DNAI7: variants seen among roughly 807,000 people sequenced by gnomAD.
DNAI7 encodes cancer susceptibility 1.
A neutral mutation model predicts 86.6 loss-of-function variants in DNAI7; 78 were observed. The observed-to-expected ratio is 0.90, with a 90% CI of 0.75 to 1.09. The LOEUF (loss-of-function observed/expected upper bound fraction) is 1.09, where lower values mean the gene tolerates loss of function less well. Among genes scored for constraint, DNAI7 ranks in the 50% least tolerant of loss-of-function variants. The pLI, the probability that DNAI7 is intolerant of heterozygous loss-of-function variation, is 0.00. For missense variants in DNAI7, 753 were observed against 810.2 expected, an observed-to-expected ratio of 0.93 and a Z score of 0.86; for synonymous variants, 274 against 273.0, an observed-to-expected ratio of 1.00 and a Z score of -0.04.
intron 6 of DNAI7, among the ~76,000 whole-genome samples, chr12:25,150,726 T>C (rs1312468666): frequency 6.6e-6 from 1 of 152,018 alleles, no homozygotes; most frequent in African/African-American, 2.4e-5. Flanking sequence ...CTGAATCTAA[T>C]TAAACCCTCG....
At position 25,108,589 on chromosome 12, in the gene DNAI7, A is replaced by C. The variant is rs1329362978; in HGVS notation, c.2128T>G (p.Cys710Gly). The C allele has an allele frequency of 2.5e-6, 4 of 1,613,800 alleles. No individual in the cohort carries two copies. Among genetic ancestry groups the C allele is most frequent in the Non-Finnish European group, 3.4e-6 (4 of 1,179,910 alleles). The change falls in exon 16 of 16, where the codon TGC becomes GGC. Residue 710 changes from cysteine (C) to glycine (G), a missense_variant. Physicochemically the swap from Cys to Gly is radical, Grantham distance 159 (BLOSUM62 -3). Coordinates refer to ENST00000395987, the MANE Select transcript of DNAI7 (RefSeq NM_018272.5). The part of the protein sequence containing the change: ...SSNCQFVNSV[C>G]HMLLSTRLLS... ...AATCTGGTAGAGAGCAGCATGTGGC[A>C]CACAGAGTTGACAAACTGACAGTTG...
At chr12:25,181,608 C>T (rs1949509332) in intron 2 of DNAI7, among the ~76,000 whole-genome samples, 1 of 151,908 alleles carries the variant, frequency 6.6e-6, no homozygotes. Context: ...AGACAACCTA[C>T]AAAACAGGAG....
intron 1 of DNAI7, among the ~76,000 whole-genome samples, chr12:25,192,184 T>A (rs372184308): frequency 1.3e-5 from 2 of 152,256 alleles, no homozygotes; most frequent in Non-Finnish European, 2.9e-5. Flanking sequence ...TCATAGCTTC[T>A]ATCAATTAAT....
chr12:25,160,516 C>G (rs755853601), intron 3 of DNAI7, among the ~76,000 whole-genome samples: 8 of 152,184 alleles, frequency 5.3e-5, no homozygotes, highest in Non-Finnish European at 1.0e-4. Context: ...CTGAATCCGG[C>G]CAAAGCGCTC....
At chr12:25,115,605 ATAAAT>A (rs755065625) in intron 12 of DNAI7, among the ~76,000 whole-genome samples, 17 of 152,244 alleles carry the variant, frequency 1.1e-4, no homozygotes, top group South Asian at 4.1e-4. Flanking sequence ...AATTAGGGAA[ATAAAT>A]TAAAACTACA....
intron 11 of DNAI7, among the ~76,000 whole-genome samples, chr12:25,119,608 T>C (rs1940870154): frequency 6.6e-6 from 1 of 152,106 alleles, no homozygotes; most frequent in South Asian, 2.1e-4. Context: ...CTTAGAAAAA[T>C]CAAGTAATTT....
In DNAI7 at chr12:25,161,154, T is replaced by C. The variant is rs1410583071; in HGVS notation, c.65A>G (p.Lys22Arg). ...TCTCTCCTCCTCCTCTTGTAGCAGC[T>C]TCAATCGTTCAGCTTTGGTGACTTT... ...KKKVTKAERL[K>R]LLQEEEERRL... Residue 22 changes from lysine to arginine, a missense_variant, in exon 3 of 16, where the codon AAG becomes AGG. Physicochemically the swap from Lys to Arg is conservative, Grantham distance 26 (BLOSUM62 2). Transcript: ENST00000395987. 2 of 1,614,026 alleles carry C rather than the reference T, an allele frequency of 1.2e-6. No homozygotes were observed. Among genetic ancestry groups the C allele is most frequent in the South Asian group, 2.2e-5 (2 of 91,078 alleles).
At chr12:25,160,964 G>A in intron 3 of DNAI7, 149 bp downstream of exon 3, 1 of 560,486 alleles carries the variant, frequency 1.8e-6, no homozygotes, top group South Asian at 2.3e-5. Context: ...ACATCTTTCT[G>A]GATACTTTCT....
chr12:25,175,155 C>T (rs55750852), intron 2 of DNAI7, among the ~76,000 whole-genome samples: 23 of 151,952 alleles, frequency 1.5e-4, no homozygotes, highest in Non-Finnish European at 2.9e-4. Flanking sequence ...ACTCTAAGCA[C>T]TGTCCAGAAT....
At chr12:25,131,596 G>C (rs1942932256) in intron 9 of DNAI7, among the ~76,000 whole-genome samples, 1 of 152,174 alleles carries the variant, frequency 6.6e-6, no homozygotes, top group Admixed American at 6.5e-5. Flanking sequence ...AGAATCCCCA[G>C]TAACCAGCTT....
intron 4 of DNAI7, among the ~76,000 whole-genome samples, chr12:25,157,993 G>T (rs1946393992): frequency 6.6e-6 from 1 of 152,190 alleles, no homozygotes; most frequent in African/African-American, 2.4e-5. Flanking sequence ...CCTTTGGGAG[G>T]CTGAGGGGGG....
intron 9 of DNAI7, among the ~76,000 whole-genome samples, chr12:25,141,285 G>A (rs985070613): frequency 2.0e-5 from 3 of 152,186 alleles, no homozygotes; most frequent in African/African-American, 4.8e-5. Flanking sequence ...CACAGAGTGG[G>A]AGAAAATCTT....
At position 25,154,368 on chromosome 12, in the gene DNAI7, G is replaced by GT. The variant is rs776563278; in HGVS notation, c.388dup (p.Thr130AsnfsTer3). The GT allele has an allele frequency of 1.2e-6, 2 of 1,610,820 alleles. No individual in the cohort carries two copies. The highest frequency in any genetic ancestry group is 3.4e-5 in the Admixed American group (2 of 58,932). On this transcript the variant is annotated frameshift_variant, in exon 6 of 16. Coordinates refer to ENST00000395987, the MANE Select transcript of DNAI7 (RefSeq NM_018272.5). LOFTEE classifies it high-confidence loss of function. The stretch of plus-strand genomic sequence containing the variant: ...AATCACTTCCTCAAAAGTCTCATTT[G>GT]TTTTCTCTTTCCACAAACTAATAAA...
intron 9 of DNAI7, among the ~76,000 whole-genome samples, chr12:25,141,136 C>G (rs1010790235): frequency 6.6e-6 from 1 of 152,144 alleles, no homozygotes; most frequent in African/African-American, 2.4e-5. Context: ...AACAACCCTT[C>G]TAGACATTGG....
intron 1 of DNAI7, among the ~76,000 whole-genome samples, chr12:25,191,299 G>A (rs1419534225): frequency 2.6e-5 from 4 of 152,126 alleles, no homozygotes; most frequent in Non-Finnish European, 5.9e-5. Context: ...CCAGCTACTT[G>A]GGAGGCTGAG....
At chr12:25,130,941 G>A (rs1942833690) in intron 9 of DNAI7, among the ~76,000 whole-genome samples, 1 of 152,026 alleles carries the variant, frequency 6.6e-6, no homozygotes, top group African/African-American at 2.4e-5. Context: ...ATCATCTAAT[G>A]TAAGAGATTT....
Position 25,161,090 on chromosome 12 carries a change from T to C in DNAI7, c.106+23A>G, listed in dbSNP as rs752659563. The stretch of plus-strand genomic sequence containing the variant: ...CGTGACTATTACCTGTATAGGTAAA[T>C]AGTATCACTATTTATTTTGTACCTT... On this transcript the variant is annotated intron_variant, in intron 3 of 15. Transcript: ENST00000395987. The C allele has an allele frequency of 1.7e-5, 26 of 1,567,222 alleles. No homozygotes were observed. In the East Asian group the frequency reaches 5.8e-4, roughly 35 times the overall value.
At chr12:25,173,384 CA>C (rs1257703313) in intron 2 of DNAI7, among the ~76,000 whole-genome samples, 4 of 152,042 alleles carry the variant, frequency 2.6e-5, no homozygotes, top group Non-Finnish European at 5.9e-5. Context: ...AAATGCAAAT[CA>C]AAACCACAGT....
At chr12:25,123,172 C>A (rs576009103) in intron 10 of DNAI7, 39 bp downstream of exon 10, 2 of 1,311,134 alleles carry the variant, frequency 1.5e-6, no homozygotes, top group East Asian at 2.6e-5. Context: ...AGAAGAAAAT[C>A]TCAATAAAGT....
Sources: allele counts gnomAD v4.1 joint callset (sites outside exome capture counted in the v4.1 genomes callset), GRCh38; gene constraint gnomAD v4.1.1; transcripts MANE v1.5; gene names NCBI Gene and HGNC (gene_info 2026-07-23, HGNC 2026-07-21).